The following NRIP1 variants were observed in gnomAD, a reference collection of about 807,000 sequenced individuals.
The protein encoded by NRIP1 is nuclear receptor-interacting protein 1.
In NRIP1, 28 loss-of-function variants were observed where a neutral mutation model predicts 75.0. The observed-to-expected ratio is 0.37, with a 90% CI of 0.28 to 0.51. The LOEUF (loss-of-function observed/expected upper bound fraction) is 0.51, where lower values mean the gene tolerates loss of function less well. NRIP1 is among the 20% of genes least tolerant of loss of function. NRIP1 has a pLI of 0.92. For missense variants in NRIP1, 1,435 were observed against 1,343.7 expected (o/e 1.07, Z -1.06); for synonymous variants, 526 against 487.6 (o/e 1.08, Z -1.04).
At chr21:15,040,819 C>T (rs114353914) in intron 2 of NRIP1, among the ~76,000 whole-genome samples, 1,763 of 152,034 alleles carry the variant, frequency 0.012, 28 homozygotes, top group African/African-American at 0.039. Context: ...TTAAATAACT[C>T]CTAAGAAACA....
At chr21:15,062,589 G>A (rs908194966) in intron 1 of NRIP1, among the ~76,000 whole-genome samples, 9 of 152,168 alleles carry the variant, frequency 5.9e-5, no homozygotes, top group African/African-American at 1.9e-4. Flanking sequence ...TCTAAAGGTG[G>A]CACGGATAAT....
intron 1 of NRIP1, among the ~76,000 whole-genome samples, chr21:15,054,833 G>A (rs1241654543): frequency 6.6e-6 from 1 of 152,120 alleles, no homozygotes; most frequent in Non-Finnish European, 1.5e-5. Flanking sequence ...TTCTACCAAG[G>A]AAAACAGCTA....
At chr21:15,008,511 T>A (rs1415530673) in intron 3 of NRIP1, among the ~76,000 whole-genome samples, 2 of 152,084 alleles carry the variant, frequency 1.3e-5, no homozygotes, top group East Asian at 3.9e-4. Flanking sequence ...ACAAATAAAA[T>A]GACTTCTCCT....
chr21:15,032,949 G>A (rs1207906069), intron 2 of NRIP1, among the ~76,000 whole-genome samples: 13 of 152,100 alleles, frequency 8.5e-5, no homozygotes, highest in African/African-American at 2.4e-5. Flanking sequence ...ATGATCACCG[G>A]GCGCGGTGGC....
At chr21:15,058,649 T>A (rs77487128) in intron 1 of NRIP1, among the ~76,000 whole-genome samples, 1,793 of 152,314 alleles carry the variant, frequency 0.012, 28 homozygotes, top group African/African-American at 0.041. Context: ...GTCCTGTTAG[T>A]TACCAAACAC....
chr21:14,997,334 T>A (rs1272177969), intron 3 of NRIP1, among the ~76,000 whole-genome samples: 1 of 152,196 alleles, frequency 6.6e-6, no homozygotes, highest in Non-Finnish European at 1.5e-5. Flanking sequence ...ATTATACTTT[T>A]AAGTGGAAAG....
In NRIP1 at chr21:14,967,466, C is replaced by T; in HGVS notation, c.727G>A (p.Val243Ile). 1 of 1,614,090 alleles carries T rather than the reference C, an allele frequency of 6.2e-7. No homozygotes were observed. Among genetic ancestry groups the T allele is most frequent in the Non-Finnish European group, 8.5e-7 (1 of 1,179,996 alleles). Reference protein sequence around the residue: ...PLSCAARLQAVASMVEKRASP... With the variant: ...PLSCAARLQAIASMVEKRASP... Reference sequence around the variant, plus strand: ...GCCCTTTTTTCCACCATGCTTGCAACAGCCTGTAATCTTGCAGCACATGAC... The same window carrying T: ...GCCCTTTTTTCCACCATGCTTGCAATAGCCTGTAATCTTGCAGCACATGAC... Residue 243 changes from valine (V) to isoleucine (I), a missense_variant, in exon 4 of 4, where the codon GTT (valine) becomes ATT (isoleucine). By Grantham distance (29) the Val-to-Ile change is conservative (BLOSUM62 3). Coordinates refer to ENST00000318948, the MANE Select transcript of NRIP1 (RefSeq NM_003489.4).
At chr21:15,011,486 G>A (rs1186235911) in intron 3 of NRIP1, among the ~76,000 whole-genome samples, 1 of 152,144 alleles carries the variant, frequency 6.6e-6, no homozygotes, top group East Asian at 1.9e-4. Flanking sequence ...ACCACGCCCA[G>A]AGTACTGGCC....
chr21:15,008,218 C>T (rs1196592837), intron 3 of NRIP1, among the ~76,000 whole-genome samples: 1 of 152,098 alleles, frequency 6.6e-6, no homozygotes, highest in African/African-American at 2.4e-5. Context: ...GCAGACTGTA[C>T]TCTCAGAAAA....
At chr21:14,986,599 G>T (rs891079934) in intron 3 of NRIP1, among the ~76,000 whole-genome samples, 1 of 152,134 alleles carries the variant, frequency 6.6e-6, no homozygotes, top group Non-Finnish European at 1.5e-5. Flanking sequence ...CTGTGAATGG[G>T]TAAGATTTAG....
chr21:14,993,500 C>T (rs2087629282), intron 3 of NRIP1, among the ~76,000 whole-genome samples: 1 of 152,138 alleles, frequency 6.6e-6, no homozygotes, highest in East Asian at 1.9e-4. Context: ...TCTGTAACCC[C>T]AGCTTAAATG....
intron 3 of NRIP1, among the ~76,000 whole-genome samples, chr21:15,007,673 T>C (rs960747798): frequency 6.6e-6 from 1 of 152,190 alleles, no homozygotes; most frequent in African/African-American, 2.4e-5. Flanking sequence ...TGTGAGAGCG[T>C]ATTTCCCTTG....
rs754145483 is a variant in NRIP1, at chr21:14,965,304, T to C, written c.2889A>G (p.Lys963=). Residue 963 remains lysine, a synonymous_variant, in exon 4 of 4, where the codon AAA becomes AAG. Transcript: ENST00000318948. ...TGTTGGTCACATTATTTTTGTGTCC[T>C]TTCTTTTTACTGTCAGCCACAGAGT... is the stretch of plus-strand genomic sequence containing the variant. ...RSNSVADSKK[K]GHKNNVTNSK... is the part of the protein sequence containing the mutation. The C allele has an allele frequency of 6.2e-7, 1 of 1,614,036 alleles. No homozygotes were observed. Among genetic ancestry groups the C allele is most frequent in the Non-Finnish European group, 8.5e-7 (1 of 1,179,932 alleles).
At chr21:14,998,037 G>A (rs965194198) in intron 3 of NRIP1, among the ~76,000 whole-genome samples, 1 of 152,114 alleles carries the variant, frequency 6.6e-6, no homozygotes, top group East Asian at 1.9e-4. Context: ...AGACAGCCAC[G>A]TCTCCAAACC....
chr21:15,031,521 A>G (rs113247518), intron 2 of NRIP1, among the ~76,000 whole-genome samples: 401 of 75,894 alleles, frequency 5.3e-3, no homozygotes, highest in Middle Eastern at 0.03. Flanking sequence ...CTTTCTATGT[A>G]TATACACTCT....
intron 1 of NRIP1, among the ~76,000 whole-genome samples, chr21:15,046,853 A>T (rs2089090319): frequency 6.6e-6 from 1 of 152,082 alleles, no homozygotes; most frequent in South Asian, 2.1e-4. Context: ...CTATCCTTAA[A>T]CTTCATGAAC....
Position 14,966,677 on chromosome 21 carries a change from C to G in NRIP1, c.1516G>C (p.Gly506Arg), listed in dbSNP as rs1445068589. 1 of 1,613,924 alleles carries G rather than the reference C, an allele frequency of 6.2e-7. No homozygotes were observed. Among genetic ancestry groups the G allele is most frequent in the Admixed American group, 1.7e-5 (1 of 59,976 alleles). The change falls in exon 4 of 4, where the codon GGC becomes CGC. Residue 506 changes from glycine (G) to arginine (R), a missense_variant. Transcript: ENST00000318948. Reference protein sequence around the residue: ...QKVTLLQLLLGHKNEENVEKN... With the variant: ...QKVTLLQLLLRHKNEENVEKN... The stretch of plus-strand genomic sequence containing the variant: ...TCTACATTTTCTTCATTCTTATGGC[C>G]AAGTAGCAATTGAAGAAGTGTTACT...
chr21:15,059,426 A>AT (rs1190627466), intron 1 of NRIP1, among the ~76,000 whole-genome samples: 1 of 152,154 alleles, frequency 6.6e-6, no homozygotes. Context: ...AAACACAACT[A>AT]TTAACCCTGT....
intron 3 of NRIP1, among the ~76,000 whole-genome samples, chr21:14,971,999 T>C (rs2086913694): frequency 6.6e-6 from 1 of 152,228 alleles, no homozygotes; most frequent in South Asian, 2.1e-4. Flanking sequence ...GATTTTCTTA[T>C]GGAGACCTGT....
Sources: allele counts gnomAD v4.1 joint callset (sites outside exome capture counted in the v4.1 genomes callset), GRCh38; gene constraint gnomAD v4.1.1; transcripts MANE v1.5; gene names NCBI Gene and HGNC (gene_info 2026-07-23, HGNC 2026-07-21).